The following ZBTB20 variants were observed in gnomAD, a reference collection of about 807,000 sequenced individuals.
ZBTB20 encodes zinc finger and BTB domain-containing protein 20.
In ZBTB20, 9 loss-of-function variants were observed where a neutral mutation model predicts 56.9. That is an observed-to-expected ratio of 0.16 (90% confidence interval 0.10 to 0.28). The LOEUF (loss-of-function observed/expected upper bound fraction) is 0.28. ZBTB20 is among the 10% of genes least tolerant of loss of function. The pLI is 1.00. For synonymous variants in ZBTB20, 417 were observed against 420.7 expected (o/e 0.99, Z 0.11); for missense variants, 655 against 1,003.0 (o/e 0.65, Z 4.69).
rs113541019 is a variant in ZBTB20 at position 115,025,408 on chromosome 3, T to C, written c.-507+45811A>G. On this transcript the variant is annotated intron_variant, in intron 2 of 11. Transcript: ENST00000675478. ...ATTGTGAATAGTGCTGCAATGAACA[T>C]ACACATGCATGTGTCTTTATAATAG... Among the ~76,000 whole-genome samples, 897 of 151,460 alleles carry C rather than the reference T, an allele frequency of 5.9e-3. 12 individuals carry two copies. The highest frequency in any genetic ancestry group is 0.021 in the African/African-American group (868 of 41,462).
At chr3:114,343,478 A>C (rs3773671) in intron 11 of ZBTB20, among the ~76,000 whole-genome samples, 2 of 152,096 alleles carry the variant, frequency 1.3e-5, no homozygotes, top group South Asian at 4.2e-4. Context: ...TCGTGAGTAC[A>C]GTGATGGGTC....
intron 2 of ZBTB20, among the ~76,000 whole-genome samples, chr3:115,016,667 T>C (rs2079974077): frequency 6.6e-6 from 1 of 151,912 alleles, no homozygotes; most frequent in Non-Finnish European, 1.5e-5. Flanking sequence ...TCCATGGGTC[T>C]ATGTGTCTGT....
chr3:114,790,633 A>C (rs905917428), intron 5 of ZBTB20, among the ~76,000 whole-genome samples: 1 of 151,836 alleles, frequency 6.6e-6, no homozygotes, highest in East Asian at 1.9e-4. Flanking sequence ...AGTATTACTA[A>C]ATTTTTACAC....
rs554459291 is a variant in ZBTB20 at position 114,990,943 on chromosome 3, A to G, written c.-506-16527T>C. Among the ~76,000 whole-genome samples the G allele has an allele frequency of 4.2e-3, 639 of 152,004 alleles. 6 individuals are homozygous for G. Among genetic ancestry groups the G allele is most frequent in the African/African-American group, 0.014 (597 of 41,510 alleles). On this transcript the variant is annotated intron_variant, in intron 2 of 11. Transcript: ENST00000675478. ...GGTAGTTTGTATTTCTGTGGAATCG[A>G]TGGTGATATCCCCTTTATCATTTTT...
chr3:114,795,010 A>G lies in ZBTB20; in HGVS notation c.-343+6091T>C, dbSNP rs187365600. Among the ~76,000 whole-genome samples, 62 of 152,270 alleles carry G rather than the reference A, an allele frequency of 4.1e-4. 1 individual carries two copies. In the East Asian group the frequency reaches 8.1e-3, roughly 20 times the overall value. On this transcript the variant is annotated intron_variant, in intron 5 of 11. Coordinates refer to ENST00000675478, the MANE Select transcript of ZBTB20 (RefSeq NM_001348800.3). ...CTACATTACACAACAGCCACTTAAA[A>G]ATAAACAAAAACAAGAAATCCGTTA...
intron 7 of ZBTB20, among the ~76,000 whole-genome samples, chr3:114,442,196 A>G (rs1342845750): frequency 6.6e-6 from 1 of 152,188 alleles, no homozygotes; most frequent in Non-Finnish European, 1.5e-5. Context: ...AGTGTTAACT[A>G]TCCATCTCTA....
At chr3:114,713,986 G>A (rs572130972) in intron 5 of ZBTB20, 1 of 152,658 alleles carries the variant, frequency 6.6e-6, no homozygotes, top group South Asian at 2.1e-4. Context: ...CTGTGAAATA[G>A]GTAATAGGAA....
chr3:114,473,048 A>C (rs1315566053), intron 7 of ZBTB20, among the ~76,000 whole-genome samples: 1 of 152,240 alleles, frequency 6.6e-6, no homozygotes, highest in Non-Finnish European at 1.5e-5. Flanking sequence ...CAGAAACAGT[A>C]CAAGGACTGC....
At chr3:114,343,503 G>A (rs1009871351) in intron 11 of ZBTB20, among the ~76,000 whole-genome samples, 1 of 152,194 alleles carries the variant, frequency 6.6e-6, no homozygotes, top group Admixed American at 6.5e-5. Flanking sequence ...AACCAAGACA[G>A]GGTGCTTGAT....
At chr3:114,778,577 A>G (rs1256502235) in intron 5 of ZBTB20, among the ~76,000 whole-genome samples, 1 of 152,168 alleles carries the variant, frequency 6.6e-6, no homozygotes, top group Non-Finnish European at 1.5e-5. Flanking sequence ...CGTAATCACC[A>G]TGAAGCTAAT....
chr3:114,457,950 A>C (rs1035906821), intron 7 of ZBTB20, among the ~76,000 whole-genome samples: 1 of 152,314 alleles, frequency 6.6e-6, no homozygotes, highest in East Asian at 1.9e-4. Context: ...TTTTTATTTC[A>C]TTGGAGATCA....
intron 4 of ZBTB20, among the ~76,000 whole-genome samples, chr3:114,850,049 G>A (rs1177904894): frequency 1.3e-5 from 2 of 151,722 alleles, no homozygotes; most frequent in African/African-American, 4.8e-5. Context: ...ACAGGTGCCC[G>A]CCACCACGCC....
At position 115,143,442 on chromosome 3, in the gene ZBTB20, C is replaced by T. The variant is rs79495244; in HGVS notation, c.-703+3777G>A. ...CTACTAGGAGGCTGAGGCAGGAGGG[C>T]GGATCACTTGAGCCCAGGAGTTAAA... is the stretch of plus-strand genomic sequence containing the variant. On this transcript the variant is annotated intron_variant, in intron 1 of 11. Transcript: ENST00000675478. 4.8e-3 allele frequency among the ~76,000 whole-genome samples: 735 copies of T among 152,040 alleles called. 15 individuals are homozygous for T. The East Asian group carries it at 0.068, about 14-fold the overall frequency.
chr3:114,387,013 G>T (rs1576529894), intron 8 of ZBTB20, among the ~76,000 whole-genome samples: 1 of 152,260 alleles, frequency 6.6e-6, no homozygotes, highest in East Asian at 1.9e-4. Flanking sequence ...CTGGCACATA[G>T]TAAATGGTCA....
intron 6 of ZBTB20, among the ~76,000 whole-genome samples, chr3:114,508,429 T>C (rs1351788077): frequency 3.9e-5 from 6 of 152,172 alleles, no homozygotes; most frequent in African/African-American, 1.4e-4. Context: ...AAATAGAAGA[T>C]GAGTCCATTC....
chr3:114,656,434 T>C (rs999201761), intron 6 of ZBTB20, among the ~76,000 whole-genome samples: 2 of 152,184 alleles, frequency 1.3e-5, no homozygotes, highest in Admixed American at 6.5e-5. Context: ...TAACCTTTGG[T>C]TCTTTTTAGT....
chr3:114,644,632 A>G (rs1479589404), intron 6 of ZBTB20, among the ~76,000 whole-genome samples: 2 of 152,152 alleles, frequency 1.3e-5, no homozygotes, highest in Non-Finnish European at 2.9e-5. Flanking sequence ...AGGAGAGGGA[A>G]TGCTTACACA....
At chr3:114,987,927 GA>G (rs2078616650) in intron 2 of ZBTB20, among the ~76,000 whole-genome samples, 1 of 152,028 alleles carries the variant, frequency 6.6e-6, no homozygotes, top group Non-Finnish European at 1.5e-5. Flanking sequence ...CTGCATCACT[GA>G]AAAGAATTAA....
intron 3 of ZBTB20, among the ~76,000 whole-genome samples, chr3:114,956,265 T>A (rs1338315217): frequency 1.3e-5 from 2 of 152,166 alleles, no homozygotes; most frequent in Non-Finnish European, 2.9e-5. Flanking sequence ...AGTTAAAACC[T>A]GGCCTTTTCA....
Sources: allele counts gnomAD v4.1 joint callset (sites outside exome capture counted in the v4.1 genomes callset), GRCh38; gene constraint gnomAD v4.1.1; transcripts MANE v1.5; gene names NCBI Gene and HGNC (gene_info 2026-07-23, HGNC 2026-07-21).